The following MYCBP2 variants were observed in gnomAD, a reference collection of about 807,000 sequenced individuals.
MYCBP2 encodes MYC binding protein 2.
Under a neutral mutation model 525.3 loss-of-function variants are expected in MYCBP2, and 120 were observed. The ratio of observed to expected loss-of-function variants is 0.23; its 90% CI spans 0.20 to 0.27. MYCBP2 has a LOEUF of 0.27. Ranked by LOEUF, MYCBP2 falls within the 10% of genes least tolerant of loss-of-function variation. The pLI, the probability that MYCBP2 is intolerant of heterozygous loss-of-function variation, is 1.00. For missense variants in MYCBP2, 4,149 were observed against 5,657.1 expected, an observed-to-expected ratio of 0.73 and a Z score of 8.55; for synonymous variants, 1,894 against 1,955.8, an observed-to-expected ratio of 0.97 and a Z score of 0.83.
chr13:77,121,208 T>C (rs906578371), intron 55 of MYCBP2, 165 bp downstream of exon 55: 5 of 618,786 alleles, frequency 8.1e-6, no homozygotes, highest in Admixed American at 4.3e-5. Flanking sequence ...CAAAAAACAA[T>C]ACTATGAAAA....
chr13:77,066,601 T>C (rs2040244192), intron 71 of MYCBP2, among the ~76,000 whole-genome samples: 1 of 152,208 alleles, frequency 6.6e-6, no homozygotes, highest in Non-Finnish European at 1.5e-5. Flanking sequence ...TCCTTGCATA[T>C]ATACCTTGGT....
intron 52 of MYCBP2, among the ~76,000 whole-genome samples, chr13:77,135,028 A>T (rs1222091088): frequency 6.6e-6 from 1 of 152,198 alleles, no homozygotes; most frequent in Admixed American, 6.5e-5. Context: ...TCAAACTTCC[A>T]ATCTCTGCCC....
rs113624086 is a variant in MYCBP2, at chr13:77,126,656, AC to A, written c.7660-115del. ...CTACAGTACTGTCAATATAAAAAAAACACATAACTAAAGATAACTGAAGAAT... is the reference window on the plus strand; with the variant it reads ...CTACAGTACTGTCAATATAAAAAAAAACATAACTAAAGATAACTGAAGAAT... On this transcript the variant is annotated intron_variant, in intron 52 of 82. Coordinates refer to ENST00000544440, the MANE Select transcript of MYCBP2 (RefSeq NM_015057.5). 370 of 689,004 alleles carry A rather than the reference AC, an allele frequency of 5.4e-4. 3 individuals carry two copies. Among genetic ancestry groups the A allele is most frequent in the African/African-American group, 2.6e-4 (14 of 54,888 alleles). The allele number at this position is 689,004 out of a possible 1,614,324, so 42.7% of individuals were successfully genotyped here.
At chr13:77,155,724 A>G (rs1342084502) in intron 46 of MYCBP2, among the ~76,000 whole-genome samples, 1 of 152,192 alleles carries the variant, frequency 6.6e-6, no homozygotes, top group Non-Finnish European at 1.5e-5. Context: ...CAAAATTTAA[A>G]AATGTATTCT....
intron 30 of MYCBP2, among the ~76,000 whole-genome samples, chr13:77,188,364 T>G (rs2060951165): frequency 6.6e-6 from 1 of 152,208 alleles, no homozygotes; most frequent in Non-Finnish European, 1.5e-5. Flanking sequence ...CTTATCTCAT[T>G]AGAAATTCAA....
rs1002469282 is a variant in MYCBP2, at chr13:77,199,796, C to T, written c.3843+5460G>A. Among the ~76,000 whole-genome samples, 15 of 152,250 alleles carry T rather than the reference C, an allele frequency of 9.9e-5. 1 individual carries two copies. Among genetic ancestry groups the T allele is most frequent in the African/African-American group, 3.6e-4 (15 of 41,528 alleles). ...AGCAGGGGCAGACTGACACCTCACA[C>T]TGCCTGGTACTCCAACAGACCTGCA... On this transcript the variant is annotated intron_variant, in intron 26 of 82. Transcript: ENST00000544440.
intron 55 of MYCBP2, among the ~76,000 whole-genome samples, chr13:77,105,011 A>T (rs2154137605): frequency 6.6e-6 from 1 of 152,254 alleles, no homozygotes; most frequent in Admixed American, 6.6e-5. Flanking sequence ...GTTTGCAGCT[A>T]TTGTTAAAAT....
At chr13:77,189,526 A>T (rs2061091988) in intron 29 of MYCBP2, among the ~76,000 whole-genome samples, 1 of 152,164 alleles carries the variant, frequency 6.6e-6, no homozygotes, top group African/African-American at 2.4e-5. Flanking sequence ...CCACAAAGTG[A>T]TTACCAGAAA....
At chr13:77,283,452 C>G (rs780741867) in intron 3 of MYCBP2, among the ~76,000 whole-genome samples, 1 of 152,158 alleles carries the variant, frequency 6.6e-6, no homozygotes, top group Non-Finnish European at 1.5e-5. Flanking sequence ...CTTTTGTTCT[C>G]AGGACCTAAT....
At position 77,068,831 on chromosome 13, in the gene MYCBP2, C is replaced by T; in HGVS notation, c.11905G>A (p.Val3969Met). 6.2e-7 allele frequency: 1 copy of T among 1,613,162 alleles called. No individual in the cohort carries two copies. Among genetic ancestry groups the T allele is most frequent in the Non-Finnish European group, 8.5e-7 (1 of 1,179,804 alleles). Residue 3969 changes from valine (V) to methionine (M), a missense_variant and splice_region_variant, in exon 70 of 83, where the codon GTG becomes ATG. This residue lies in a region of MYCBP2 where 64 missense variants were observed against 131.2 expected (regional missense o/e 0.49). Transcript: ENST00000544440. ...RSKLTNLQKQ[V>M]CAHIVQAIRM... The stretch of plus-strand genomic sequence containing the variant: ...ATAGCTTGGACAATATGAGCACACA[C>T]CTATTTAAAGTTAACACAGAACATG...
chr13:77,122,181 A>G (rs1392800938), intron 54 of MYCBP2, among the ~76,000 whole-genome samples: 1 of 152,100 alleles, frequency 6.6e-6, no homozygotes, highest in Non-Finnish European at 1.5e-5. Context: ...TCCCCTATGA[A>G]CAATCAACTG....
chr13:77,110,413 C>T (rs1274166266), intron 55 of MYCBP2, among the ~76,000 whole-genome samples: 1 of 152,168 alleles, frequency 6.6e-6, no homozygotes, highest in Non-Finnish European at 1.5e-5. Context: ...GTTCTCTGCT[C>T]TTGAACCCTG....
intron 2 of MYCBP2, among the ~76,000 whole-genome samples, chr13:77,296,017 G>T (rs2078151663): frequency 6.6e-6 from 1 of 152,110 alleles, no homozygotes; most frequent in Admixed American, 6.5e-5. Context: ...ATTGAAAAAA[G>T]AGAACAGAAA....
At position 77,061,776 on chromosome 13, in the gene MYCBP2, G is replaced by A; in HGVS notation, c.12789C>T (p.Asn4263=). ...GQQKQMPMCD[N]HDDGETAAII... ...TTGCTGCAGTTTCACCATCATCATG[G>A]TTATCACACATAGGCTAAAATAAGA... Residue 4263 remains asparagine (N), a synonymous_variant, in exon 75 of 83, where the codon AAC becomes AAT. Transcript: ENST00000544440. 6.9e-6 allele frequency: 11 copies of A among 1,602,926 alleles called. No homozygotes were observed. Among genetic ancestry groups the A allele is most frequent in the Non-Finnish European group, 9.4e-6 (11 of 1,172,838 alleles).
chr13:77,270,667 G>T, intron 5 of MYCBP2, 129 bp from the exon 6 acceptor site: 1 of 983,440 alleles, frequency 1.0e-6, no homozygotes, highest in Non-Finnish European at 1.4e-6. Context: ...TCGCATGCCA[G>T]CAAAAAGTAC....
At chr13:77,076,383 C>T (rs1338232051) in intron 68 of MYCBP2, among the ~76,000 whole-genome samples, 1 of 152,086 alleles carries the variant, frequency 6.6e-6, no homozygotes, top group Non-Finnish European at 1.5e-5. Flanking sequence ...AAATCATAAA[C>T]AAATTTCATG....
In MYCBP2 at chr13:77,098,782, T is replaced by G; in HGVS notation, c.8372A>C (p.Asn2791Thr). The change falls in exon 56 of 83, where the codon AAC (asparagine) becomes ACC (threonine). Residue 2791 changes from asparagine to threonine, a missense_variant. By Grantham distance (65) the Asn-to-Thr change is moderately conservative. Transcript: ENST00000544440. ...SDSHSRSLSP[N>T]HNTLQTLKSD... is the part of the protein sequence containing the mutation. ...TTTCAATGTCTGCAAGGTGTTATGG[T>G]TGGGGGATAATGACCTACTGTGGGA... 2 of 1,613,484 alleles carry G rather than the reference T, an allele frequency of 1.2e-6. No individual in the cohort carries two copies. The highest frequency in any genetic ancestry group is 1.7e-6 in the Non-Finnish European group (2 of 1,179,730).
At chr13:77,273,109 A>T (rs1039261900) in intron 5 of MYCBP2, among the ~76,000 whole-genome samples, 2 of 152,218 alleles carry the variant, frequency 1.3e-5, no homozygotes, top group African/African-American at 4.8e-5. Context: ...TTTTCTTTCA[A>T]TAGAGAAAAG....
intron 27 of MYCBP2, 39 bp downstream of exon 27, chr13:77,194,111 AAGT>A (rs771689185): frequency 4.8e-6 from 6 of 1,260,752 alleles, no homozygotes; most frequent in Middle Eastern, 1.9e-4. Context: ...TTTTAATATT[AAGT>A]ATGCAAGAGT....
Sources: allele counts gnomAD v4.1 joint callset (sites outside exome capture counted in the v4.1 genomes callset), GRCh38; gene constraint gnomAD v4.1.1; regional missense constraint gnomAD v4.1.1; transcripts MANE v1.5; gene names NCBI Gene and HGNC (gene_info 2026-07-23, HGNC 2026-07-21).